CCPG1: variants seen among roughly 807,000 people sequenced by gnomAD.
CCPG1 encodes cell cycle progression protein 1.
CCPG1 carries 46 observed loss-of-function variants against 81.3 expected under a neutral mutation model. The ratio of observed to expected loss-of-function variants is 0.57; its 90% CI spans 0.45 to 0.72. The LOEUF (loss-of-function observed/expected upper bound fraction) is 0.72. Among genes scored for constraint, CCPG1 ranks in the 30% least tolerant of loss-of-function variants. The probability of loss-of-function intolerance (pLI) is 0.00; values close to 1 mark genes in which losing one functional copy is unlikely to be tolerated. For missense variants in CCPG1, 902 were observed against 937.6 expected (o/e 0.96, Z 0.50); for synonymous variants, 330 against 305.2 (o/e 1.08, Z -0.85).
intron 7 of CCPG1, among the ~76,000 whole-genome samples, chr15:55,364,265 G>A (rs1408767412): frequency 6.7e-6 from 1 of 150,336 alleles, no homozygotes; most frequent in African/African-American, 2.4e-5. Context: ...ATCTAGGTGA[G>A]TTATAGGCAG....
intron 1 of CCPG1, among the ~76,000 whole-genome samples, chr15:55,400,470 T>G (rs116396399): frequency 6.6e-6 from 1 of 151,952 alleles, no homozygotes; most frequent in Non-Finnish European, 1.5e-5. Flanking sequence ...ATCACACCAC[T>G]GCACTAAGGC....
At chr15:55,391,689 T>C (rs2056916640) in intron 1 of CCPG1, among the ~76,000 whole-genome samples, 1 of 152,018 alleles carries the variant, frequency 6.6e-6, no homozygotes, top group Non-Finnish European at 1.5e-5. Flanking sequence ...AGATACTACA[T>C]TAAAATGAAG....
chr15:55,357,144 T>C (rs1283296379), intron 8 of CCPG1: 1 of 971,664 alleles, frequency 1.0e-6, no homozygotes, highest in African/African-American at 1.8e-5. Flanking sequence ...CCCTCTCCAC[T>C]TGAATGTCAG....
intron 2 of CCPG1, among the ~76,000 whole-genome samples, chr15:55,386,999 A>C (rs1484910415): frequency 6.6e-6 from 1 of 152,196 alleles, no homozygotes; most frequent in Non-Finnish European, 1.5e-5. Context: ...AGAATGGTAG[A>C]GGCTAAAGCA....
chr15:55,382,000 CTG>C (rs1186108743), intron 3 of CCPG1, among the ~76,000 whole-genome samples: 4 of 152,076 alleles, frequency 2.6e-5, no homozygotes, highest in African/African-American at 9.7e-5. Flanking sequence ...GTCTAAAAAA[CTG>C]TACATATCTT....
intron 3 of CCPG1, among the ~76,000 whole-genome samples, chr15:55,382,143 G>A (rs1665082094): frequency 6.6e-6 from 1 of 152,318 alleles, no homozygotes; most frequent in East Asian, 1.9e-4. Context: ...GGTAGCTGCT[G>A]AAGGGTGGAG....
At chr15:55,356,521 A>G in intron 8 of CCPG1, 112 bp from the exon 9 acceptor site, 1 of 1,279,594 alleles carries the variant, frequency 7.8e-7, no homozygotes. Flanking sequence ...GATAAAAGAT[A>G]TTAAATATCT....
chr15:55,363,231 C>A (rs974373046), intron 7 of CCPG1, among the ~76,000 whole-genome samples: 15 of 151,576 alleles, frequency 9.9e-5, no homozygotes, highest in African/African-American at 3.6e-4. Context: ...AGCCTGTAAT[C>A]CCAGCTACTT....
In CCPG1 at chr15:55,371,879, C is replaced by T; in HGVS notation, c.620G>A (p.Ser207Asn). The T allele has an allele frequency of 6.2e-7, 1 of 1,614,072 alleles. No individual in the cohort carries two copies. The highest frequency in any genetic ancestry group is 8.5e-7 in the Non-Finnish European group (1 of 1,179,940). Residue 207 changes from serine to asparagine, a missense_variant, in exon 6 of 9, where the codon AGT (serine) becomes AAT (asparagine). Physicochemically the swap from Ser to Asn is conservative, Grantham distance 46. Around this residue, in one of 3 missense-constraint regions of CCPG1, gnomAD observed 746 missense variants for 728.6 expected, o/e 1.02. Transcript: ENST00000442196. ...EQETEPSKEL[S>N]KRQFSSGLNK... ...GAGACCACTACTGAACTGACGTTTA[C>T]TCAACTCCTTAGAAGGTTCAGTTTC...
At chr15:55,358,866 C>T in intron 8 of CCPG1, 2 of 968,962 alleles carry the variant, frequency 2.1e-6, no homozygotes, top group Non-Finnish European at 2.5e-6. Context: ...TATATTTATT[C>T]AGAAAGATTA....
At chr15:55,404,940 TGTGCCTGTAATCCCAGCTAC>T (rs1370708869) in intron 1 of CCPG1, among the ~76,000 whole-genome samples, 5 of 151,390 alleles carry the variant, frequency 3.3e-5, no homozygotes, top group Admixed American at 6.6e-5. Context: ...CATGGTGGTG[TGTGCCTGTAATCCCAGCTAC>T]GTGCCTGTAA....
rs1179111677 is a variant in CCPG1 at position 55,385,680 on chromosome 15, G to A, written c.95C>T (p.Pro32Leu). Residue 32 changes from proline to leucine, a missense_variant, in exon 3 of 9, where the codon CCC (proline) becomes CTC (leucine). Transcript: ENST00000442196. Reference sequence around the variant, plus strand: ...TGGGGCGGGCTCACAGCTGTCAGTGGGGGTCACAGAATTCAACATTTCTAT... The same window carrying A: ...TGGGGCGGGCTCACAGCTGTCAGTGAGGGTCACAGAATTCAACATTTCTAT... Reference protein sequence around the residue: ...SDIEMLNSVTPTDSCEPAPEC... With the variant: ...SDIEMLNSVTLTDSCEPAPEC... The A allele has an allele frequency of 3.7e-6, 6 of 1,611,148 alleles. No homozygotes were observed. Among genetic ancestry groups the A allele is most frequent in the Non-Finnish European group, 5.1e-6 (6 of 1,177,626 alleles).
Position 55,356,368 on chromosome 15 carries a change from G to A in CCPG1, c.2276C>T (p.Ser759Phe). The part of the protein sequence containing the change: ...KKQRMVNIEN[S>F]RHRKQEQKHL... The stretch of plus-strand genomic sequence containing the variant: ...CTTCTGCTCTTGTTTTCGATGCCTG[G>A]AGTTTTCAATATTTACCATACGTTG... Residue 759 changes from serine to phenylalanine, a missense_variant, in exon 9 of 9, where the codon TCC becomes TTC. This residue lies in a region of CCPG1 where 128 missense variants were observed against 161.2 expected (regional missense o/e 0.79). Coordinates refer to ENST00000442196, the MANE Select transcript of CCPG1 (RefSeq NM_001204450.2). 2.0e-6 allele frequency: 3 copies of A among 1,534,936 alleles called. No homozygotes were observed. The highest frequency in any genetic ancestry group is 2.6e-6 in the Non-Finnish European group (3 of 1,146,720).
intron 5 of CCPG1, chr15:55,372,924 G>C: frequency 3.7e-6 from 2 of 534,376 alleles, no homozygotes; most frequent in Non-Finnish European, 7.7e-6. Flanking sequence ...TTTTAACATA[G>C]GTTTCCAGAA....
rs771072961 is a variant in CCPG1 at position 55,359,969 on chromosome 15, C to A, written c.1804G>T (p.Glu602Ter). The A allele has an allele frequency of 3.7e-6, 6 of 1,612,770 alleles. No homozygotes were observed. The African/African-American group carries it at 4.0e-5, about 11-fold the overall frequency. The change falls in exon 8 of 9, where the codon GAA (glutamate) becomes TAA (stop). Residue 602 changes from glutamate to a stop codon, truncating the protein, a stop_gained. Transcript: ENST00000442196. LOFTEE classifies it high-confidence loss of function. ...TTTGAATTTGTATTTTTTCTGAATT[C>A]TTTAAAGTGAACTGGCTTTTCTTTC... ...GRKEKPVHFK[E>*]FRKNTNSKKC...
At chr15:55,388,544 G>T (rs553896714) in intron 2 of CCPG1, among the ~76,000 whole-genome samples, 1 of 152,176 alleles carries the variant, frequency 6.6e-6, no homozygotes, top group East Asian at 1.9e-4. Flanking sequence ...ACCTCTCTAA[G>T]CTTTAGTTTT....
intron 7 of CCPG1, among the ~76,000 whole-genome samples, chr15:55,362,598 C>A (rs2141247094): frequency 6.6e-6 from 1 of 152,232 alleles, no homozygotes; most frequent in South Asian, 2.1e-4. Context: ...GCCCAGGAAG[C>A]CACAGGATGA....
At position 55,371,977 on chromosome 15, in the gene CCPG1, G is replaced by C. The variant is rs186446989; in HGVS notation, c.522C>G (p.Ala174=). The C allele has an allele frequency of 1.2e-6, 2 of 1,614,112 alleles. No individual in the cohort carries two copies. Among genetic ancestry groups the C allele is most frequent in the Non-Finnish European group, 1.7e-6 (2 of 1,179,956 alleles). ...SDETSNQPSP[A]FRRRRARKKT... ...TCTTCCTAGCACGGCGTCGTCTAAA[G>C]GCAGGACTGGGCTGATTACTGGTTT... The change falls in exon 6 of 9, where the codon GCC becomes GCG. Residue 174 remains alanine (A), a synonymous_variant. Transcript: ENST00000442196.
chr15:55,371,014 G>A (rs1371905713), intron 6 of CCPG1, among the ~76,000 whole-genome samples: 2 of 152,098 alleles, frequency 1.3e-5, no homozygotes, highest in Non-Finnish European at 2.9e-5. Flanking sequence ...TCCGGAGGCT[G>A]AGGTAGGAGA....
Sources: gnomAD v4.1 joint callset for allele counts (sites outside exome capture counted in the v4.1 genomes callset) on GRCh38, gnomAD v4.1.1 for gene constraint, gnomAD v4.1.1 regional missense constraint, MANE v1.5 for transcripts, NCBI Gene and HGNC (gene_info 2026-07-23, HGNC 2026-07-21) for gene names.